Variants in ZDHHC14 observed in about 807,000 individuals in gnomAD.
The protein encoded by ZDHHC14 is palmitoyltransferase ZDHHC14.
Under a neutral mutation model 47.7 loss-of-function variants are expected in ZDHHC14, and 16 were observed. The observed-to-expected ratio is 0.34, with a 90% CI of 0.23 to 0.51. ZDHHC14 has a LOEUF of 0.51. Among genes scored for constraint, ZDHHC14 ranks in the 20% least tolerant of loss-of-function variants. The pLI is 0.97. For missense variants in ZDHHC14, 515 were observed against 662.5 expected, an observed-to-expected ratio of 0.78 and a Z score of 2.44; for synonymous variants, 293 against 278.9, an observed-to-expected ratio of 1.05 and a Z score of -0.50.
chr6:157,598,434 A>G (rs900692227), intron 3 of ZDHHC14, among the ~76,000 whole-genome samples: 2 of 152,154 alleles, frequency 1.3e-5, no homozygotes, highest in Non-Finnish European at 1.5e-5. Flanking sequence ...ATAAGCATCT[A>G]TGTGTTAAGT....
chr6:157,458,094 G>A (rs1471456453), intron 1 of ZDHHC14, among the ~76,000 whole-genome samples: 1 of 152,166 alleles, frequency 6.6e-6, no homozygotes, highest in African/African-American at 2.4e-5. Flanking sequence ...TTCTGCACTC[G>A]GTATGTGTAG....
chr6:157,467,578 CT>C (rs1779250812), intron 1 of ZDHHC14, among the ~76,000 whole-genome samples: 1 of 150,588 alleles, frequency 6.6e-6, no homozygotes, highest in African/African-American at 2.5e-5. Flanking sequence ...GAGATGGAGC[CT>C]CACTCTATTG....
rs147823233 is a variant in ZDHHC14, at chr6:157,489,073, A to T, written c.246-53512A>T. ...TTGTACCAGTAAACGGGCTTCCATC[A>T]GCAGATCTGTCTGGAATAAAGATGT... On this transcript the variant is annotated intron_variant, in intron 1 of 8. Transcript: ENST00000359775. 5.1e-3 allele frequency among the ~76,000 whole-genome samples: 772 copies of T among 152,344 alleles called. 2 individuals carry two copies. Among genetic ancestry groups the T allele is most frequent in the Non-Finnish European group, 8.6e-3 (584 of 68,036 alleles).
At chr6:157,563,815 A>G (rs778732767) in intron 2 of ZDHHC14, among the ~76,000 whole-genome samples, 24 of 152,214 alleles carry the variant, frequency 1.6e-4, no homozygotes, top group Non-Finnish European at 2.6e-4. Flanking sequence ...GTGAGGTTGC[A>G]TTGCAGTTGC....
At chr6:157,509,484 T>C (rs991211883) in intron 1 of ZDHHC14, among the ~76,000 whole-genome samples, 1 of 152,166 alleles carries the variant, frequency 6.6e-6, no homozygotes, top group African/African-American at 2.4e-5. Context: ...ATATGAAAAC[T>C]GAGGCATAGA....
chr6:157,639,344 G>A (rs771018951), intron 5 of ZDHHC14, among the ~76,000 whole-genome samples: 1 of 152,100 alleles, frequency 6.6e-6, no homozygotes, highest in Admixed American at 6.5e-5. Context: ...TCACTCTTTT[G>A]CCCAGGCTGG....
intron 1 of ZDHHC14, among the ~76,000 whole-genome samples, chr6:157,464,052 A>G (rs976372905): frequency 6.6e-6 from 1 of 152,216 alleles, no homozygotes; most frequent in South Asian, 2.1e-4. Flanking sequence ...AAAATAAATT[A>G]ACACTAATGA....
At chr6:157,566,847 GA>G (rs1353411651) in intron 2 of ZDHHC14, among the ~76,000 whole-genome samples, 7 of 136,058 alleles carry the variant, frequency 5.1e-5, no homozygotes, top group Non-Finnish European at 9.2e-5. Flanking sequence ...TTAGCAAGGG[GA>G]ATTTTTTTTT....
chr6:157,386,466 C>G (rs1777313712), intron 1 of ZDHHC14, among the ~76,000 whole-genome samples: 2 of 152,156 alleles, frequency 1.3e-5, no homozygotes. Context: ...TCAGGGATGT[C>G]TGGGGACCTG....
chr6:157,647,438 GC>G, intron 7 of ZDHHC14, 70 bp downstream of exon 7: 1 of 1,258,812 alleles, frequency 7.9e-7, no homozygotes, highest in Non-Finnish European at 1.1e-6. Flanking sequence ...GTTAGCACAG[GC>G]CGCCCGCCCT....
intron 5 of ZDHHC14, among the ~76,000 whole-genome samples, chr6:157,642,405 G>C (rs540543830): frequency 1.2e-3 from 189 of 152,332 alleles, no homozygotes; most frequent in African/African-American, 4.5e-3. Context: ...CACAGAGCCT[G>C]CACTTCTGGG....
At chr6:157,545,141 A>G (rs147763460) in intron 2 of ZDHHC14, among the ~76,000 whole-genome samples, 502 of 152,372 alleles carry the variant, frequency 3.3e-3, no homozygotes, top group African/African-American at 0.011. Context: ...TAAAATGTCA[A>G]AGAAAGCACA....
intron 1 of ZDHHC14, among the ~76,000 whole-genome samples, chr6:157,416,745 C>T (rs771569888): frequency 2.7e-5 from 4 of 146,852 alleles, no homozygotes; most frequent in Admixed American, 6.8e-5. Context: ...GTATAGAGGC[C>T]GTTGAATGAA....
intron 1 of ZDHHC14, among the ~76,000 whole-genome samples, chr6:157,539,666 A>G (rs1456291687): frequency 1.3e-5 from 2 of 152,150 alleles, no homozygotes; most frequent in Non-Finnish European, 2.9e-5. Flanking sequence ...CGGTTTAACC[A>G]TCTCCTAGAC....
chr6:157,477,012 G>A (rs376052020), intron 1 of ZDHHC14, among the ~76,000 whole-genome samples: 4 of 152,274 alleles, frequency 2.6e-5, no homozygotes, highest in Admixed American at 1.3e-4. Context: ...CCCACTCTCA[G>A]CCACTTCTTT....
intron 1 of ZDHHC14, among the ~76,000 whole-genome samples, chr6:157,490,402 C>A (rs1779885053): frequency 6.6e-6 from 1 of 152,124 alleles, no homozygotes; most frequent in African/African-American, 2.4e-5. Flanking sequence ...CTCAAGCCAC[C>A]GGGTCAGCAG....
intron 1 of ZDHHC14, among the ~76,000 whole-genome samples, chr6:157,511,308 C>G (rs1053098270): frequency 6.6e-6 from 1 of 152,098 alleles, no homozygotes; most frequent in African/African-American, 2.4e-5. Context: ...GTTCCATTTT[C>G]TGTAAACTAC....
chr6:157,550,391 G>T (rs566280344), intron 2 of ZDHHC14, among the ~76,000 whole-genome samples: 8 of 123,000 alleles, frequency 6.5e-5, no homozygotes, highest in African/African-American at 2.4e-4. Flanking sequence ...TAGAGAGACT[G>T]CAGTGTCACA....
chr6:157,645,121 C>T (rs1219266568), intron 5 of ZDHHC14, among the ~76,000 whole-genome samples: 1 of 152,086 alleles, frequency 6.6e-6, no homozygotes, highest in Non-Finnish European at 1.5e-5. Flanking sequence ...TACCCCTCAC[C>T]CTGACGTCAC....
Sources: allele counts gnomAD v4.1 joint callset (sites outside exome capture counted in the v4.1 genomes callset), GRCh38; gene constraint gnomAD v4.1.1; transcripts MANE v1.5; gene names NCBI Gene and HGNC (gene_info 2026-07-23, HGNC 2026-07-21).